SHOC2: variants seen among roughly 807,000 people sequenced by gnomAD.
The protein encoded by SHOC2 is SHOC2 leucine rich repeat scaffold protein.
In SHOC2, 4 loss-of-function variants were observed where a neutral mutation model predicts 50.2. The observed-to-expected ratio is 0.08, with a 90% CI of 0.04 to 0.18. The LOEUF (loss-of-function observed/expected upper bound fraction) is 0.18, where lower values mean the gene tolerates loss of function less well. SHOC2 is among the 10% of genes least tolerant of loss of function. The pLI is 1.00. For synonymous variants in SHOC2, 218 were observed against 244.5 expected, an observed-to-expected ratio of 0.89 and a Z score of 1.01; for missense variants, 388 against 669.6, an observed-to-expected ratio of 0.58 and a Z score of 4.64.
chr10:110,922,210 C>T (rs1846666765), intron 1 of SHOC2, among the ~76,000 whole-genome samples: 1 of 152,072 alleles, frequency 6.6e-6, no homozygotes, highest in South Asian at 2.1e-4. Context: ...AATGACTTTT[C>T]TCTTTCCACA....
At chr10:111,002,893 T>C (rs1026417173) in intron 4 of SHOC2, among the ~76,000 whole-genome samples, 6 of 152,204 alleles carry the variant, frequency 3.9e-5, no homozygotes, top group Non-Finnish European at 7.4e-5. Context: ...TAACATTTTA[T>C]CATAAGAGTC....
At chr10:110,981,242 A>G (rs988915099) in intron 2 of SHOC2, among the ~76,000 whole-genome samples, 11 of 152,230 alleles carry the variant, frequency 7.2e-5, no homozygotes, top group African/African-American at 2.7e-4. Context: ...ACGAATTGTA[A>G]GTTTCATGAA....
chr10:110,955,335 A>G (rs1847439197), intron 1 of SHOC2, among the ~76,000 whole-genome samples: 1 of 152,210 alleles, frequency 6.6e-6, no homozygotes, highest in Non-Finnish European at 1.5e-5. Flanking sequence ...TGGGAAATTA[A>G]GGAAGGAGGA....
At chr10:110,979,606 G>T (rs1022982376) in intron 2 of SHOC2, among the ~76,000 whole-genome samples, 5 of 152,178 alleles carry the variant, frequency 3.3e-5, no homozygotes, top group Admixed American at 3.3e-4. Context: ...TTATCAACAC[G>T]ACTTCACCAC....
At chr10:110,970,620 A>G (rs1375850310) in intron 2 of SHOC2, among the ~76,000 whole-genome samples, 1 of 151,868 alleles carries the variant, frequency 6.6e-6, no homozygotes, top group Non-Finnish European at 1.5e-5. Flanking sequence ...ACTGTTTTCC[A>G]TAGTGGCTGT....
intron 1 of SHOC2, among the ~76,000 whole-genome samples, chr10:110,954,261 A>G (rs577725503): frequency 6.6e-6 from 1 of 152,114 alleles, no homozygotes; most frequent in Admixed American, 6.5e-5. Flanking sequence ...TGAATTAATT[A>G]CATGTTTTAT....
intron 2 of SHOC2, among the ~76,000 whole-genome samples, chr10:110,967,664 C>T (rs550880058): frequency 7.9e-5 from 12 of 152,264 alleles, no homozygotes; most frequent in Admixed American, 4.6e-4. Context: ...CACTAATCTA[C>T]TTTCTGTCTC....
At chr10:110,952,876 T>A (rs1554856126) in intron 1 of SHOC2, among the ~76,000 whole-genome samples, 1 of 152,222 alleles carries the variant, frequency 6.6e-6, no homozygotes, top group Non-Finnish European at 1.5e-5. Flanking sequence ...TCCATGTTCC[T>A]GCAAAGGACA....
chr10:110,947,167 G>T (rs1847261054), intron 1 of SHOC2, among the ~76,000 whole-genome samples: 2 of 152,210 alleles, frequency 1.3e-5, no homozygotes, highest in Non-Finnish European at 2.9e-5. Flanking sequence ...AGTCAAGTGA[G>T]CCCCTAACTT....
chr10:110,942,436 C>T (rs986818071), intron 1 of SHOC2, among the ~76,000 whole-genome samples: 1 of 152,322 alleles, frequency 6.6e-6, no homozygotes, highest in Non-Finnish European at 1.5e-5. Context: ...CAGCCTCTAA[C>T]TCCTGAGCTC....
At chr10:110,980,067 C>T (rs1044688003) in intron 2 of SHOC2, among the ~76,000 whole-genome samples, 3 of 152,020 alleles carry the variant, frequency 2.0e-5, no homozygotes, top group Non-Finnish European at 2.9e-5. Context: ...TTTAAATATT[C>T]ATCTACAACC....
At chr10:110,993,330 A>C (rs1210214672) in intron 3 of SHOC2, among the ~76,000 whole-genome samples, 1 of 152,248 alleles carries the variant, frequency 6.6e-6, no homozygotes, top group Non-Finnish European at 1.5e-5. Context: ...GAATCACAAT[A>C]AATGCCAGAC....
intron 1 of SHOC2, among the ~76,000 whole-genome samples, chr10:110,923,650 A>G (rs79427416): frequency 0.019 from 2,832 of 150,648 alleles, 83 homozygotes; most frequent in African/African-American, 0.064. Context: ...TGCAAAAAGT[A>G]GTACATGCTC....
chr10:111,009,805 A>G lies in SHOC2; in HGVS notation c.1515A>G (p.Leu505=), dbSNP rs1332352631. 5.0e-6 allele frequency: 8 copies of G among 1,606,946 alleles called. No individual in the cohort carries two copies. Among genetic ancestry groups the G allele is most frequent in the Non-Finnish European group, 6.8e-6 (8 of 1,173,664 alleles). The change falls in exon 8 of 9, where the codon CTA becomes CTG. Residue 505 remains leucine (L), a synonymous_variant. Transcript: ENST00000369452. The part of the protein sequence containing the change: ...NLTHLGLGEN[L]LTHLPEEIGT... ...CACATCTGGGCCTTGGAGAGAACCT[A>G]CTTACTCACCTTCCTGAAGAAATTG... is the stretch of plus-strand genomic sequence containing the variant.
At chr10:110,938,964 T>A (rs1590785137) in intron 1 of SHOC2, among the ~76,000 whole-genome samples, 1 of 152,300 alleles carries the variant, frequency 6.6e-6, no homozygotes, top group South Asian at 2.1e-4. Context: ...GGAAATTTTG[T>A]TACCATTGAT....
At chr10:110,954,118 A>T (rs1814804011) in intron 1 of SHOC2, among the ~76,000 whole-genome samples, 1 of 151,556 alleles carries the variant, frequency 6.6e-6, no homozygotes, top group Non-Finnish European at 1.5e-5. Flanking sequence ...TGTATAATTT[A>T]TTAATGTTTA....
rs1374748521 is a variant in SHOC2, at chr10:110,937,288, C to CTT, written c.-235+17632_-235+17633insTT. 5 of 746,532 alleles carry CTT rather than the reference C, an allele frequency of 6.7e-6. No homozygotes were observed. The Admixed American group carries it at 9.8e-5, about 15-fold the overall frequency. 46.2% of individuals were successfully genotyped at this position (746,532 alleles called of 1,614,324 possible). ...TTTTTTTTTTGGTCCAATCCTGACT[C>CTT]TGTGTTTCAGTGATGCCAAATGAGG... On this transcript the variant is annotated intron_variant, in intron 1 of 8. Coordinates refer to ENST00000369452, the MANE Select transcript of SHOC2 (RefSeq NM_007373.4).
chr10:110,953,413 T>G (rs996746023), intron 1 of SHOC2, among the ~76,000 whole-genome samples: 5 of 152,250 alleles, frequency 3.3e-5, no homozygotes, highest in Non-Finnish European at 7.3e-5. Context: ...GATTGGCTTC[T>G]TTCATTTAGA....
chr10:110,926,887 ATAAT>A (rs753866723), intron 1 of SHOC2, among the ~76,000 whole-genome samples: 1 of 152,204 alleles, frequency 6.6e-6, no homozygotes, highest in Non-Finnish European at 1.5e-5. Flanking sequence ...GTTGAAACAA[ATAAT>A]TATCTGAAAA....
Sources: allele counts gnomAD v4.1 joint callset (sites outside exome capture counted in the v4.1 genomes callset), GRCh38; gene constraint gnomAD v4.1.1; transcripts MANE v1.5; gene names NCBI Gene and HGNC (gene_info 2026-07-23, HGNC 2026-07-21).